ALDH7A1: variants seen among roughly 807,000 people sequenced by gnomAD.
ALDH7A1 encodes aldehyde dehydrogenase 7 family member A1.
In ALDH7A1, 63 loss-of-function variants were observed where a neutral mutation model predicts 79.9. The observed-to-expected ratio is 0.79, with a 90% CI of 0.64 to 0.97. The LOEUF (loss-of-function observed/expected upper bound fraction) is 0.97. Ranked by LOEUF, ALDH7A1 falls within the 50% of genes least tolerant of loss-of-function variation. The probability of loss-of-function intolerance (pLI) is 0.00; values close to 1 mark genes in which losing one functional copy is unlikely to be tolerated. For synonymous variants in ALDH7A1, 240 were observed against 231.2 expected (o/e 1.04, Z -0.34); for missense variants, 627 against 665.2 (o/e 0.94, Z 0.63).
Position 126,566,200 on chromosome 5 carries a change from C to CA in ALDH7A1, c.871+2058dup, listed in dbSNP as rs527563803. On this transcript the variant is annotated intron_variant, in intron 9 of 17. Coordinates refer to ENST00000409134, the MANE Select transcript of ALDH7A1 (RefSeq NM_001182.5). ...GAAACCTTAACAATATTAAATCTTC[C>CA]AAAAAATGAAAAGGGGATATCTACT... Among the ~76,000 whole-genome samples the CA allele has an allele frequency of 4.3e-4, 66 of 152,108 alleles. No homozygotes were observed. The East Asian group carries it at 0.011, about 26-fold the overall frequency.
chr5:126,543,383 C>T lies in ALDH7A1; in HGVS notation c.*1582G>A, dbSNP rs543869348. The T allele has an allele frequency of 3.3e-5, 5 of 152,252 alleles. No homozygotes were observed. The East Asian group carries it at 7.7e-4, about 23-fold the overall frequency. 9.4% of individuals were successfully genotyped at this position (152,252 alleles called of 1,614,324 possible). A position where few individuals can be genotyped will look rare whatever the true frequency, so the allele number is the denominator to read the frequency against. On this transcript the variant is annotated 3_prime_UTR_variant, in exon 18 of 18. Coordinates refer to ENST00000409134, the MANE Select transcript of ALDH7A1 (RefSeq NM_001182.5). ...TAGCTAAGATTATCACTCCCACATACCCTCACCCATGATTTCTTCCTGCCA... is the reference window on the plus strand; with the variant it reads ...TAGCTAAGATTATCACTCCCACATATCCTCACCCATGATTTCTTCCTGCCA...
intron 11 of ALDH7A1, among the ~76,000 whole-genome samples, chr5:126,557,360 G>A (rs1244608172): frequency 3.3e-5 from 5 of 152,206 alleles, no homozygotes; most frequent in Non-Finnish European, 7.3e-5. Context: ...GCCAAGGCAG[G>A]CAGATCACCT....
intron 16 of ALDH7A1, among the ~76,000 whole-genome samples, chr5:126,547,727 T>C (rs935611666): frequency 6.6e-6 from 1 of 152,174 alleles, no homozygotes; most frequent in Non-Finnish European, 1.5e-5. Flanking sequence ...CTGACATCAA[T>C]TCAAAGGTAA....
intron 5 of ALDH7A1, chr5:126,580,002 T>G (rs1437088732): frequency 6.2e-6 from 1 of 162,378 alleles, no homozygotes. Flanking sequence ...TTTTAATTGT[T>G]AATTGTGAGG....
At chr5:126,550,409 CAA>C in intron 14 of ALDH7A1, 116 bp from the exon 15 acceptor site, 1 of 786,928 alleles carries the variant, frequency 1.3e-6, no homozygotes, top group Non-Finnish European at 2.1e-6. Context: ...AAAAGGAAAC[CAA>C]AGAGTCAAGT....
chr5:126,567,597 C>T (rs1365084403), intron 9 of ALDH7A1, among the ~76,000 whole-genome samples: 1 of 151,072 alleles, frequency 6.6e-6, no homozygotes, highest in South Asian at 2.1e-4. Flanking sequence ...CCTCAGCCTC[C>T]CCAGTAGCTG....
chr5:126,546,991 A>G (rs1749807209), intron 16 of ALDH7A1, among the ~76,000 whole-genome samples: 1 of 152,234 alleles, frequency 6.6e-6, no homozygotes, highest in Non-Finnish European at 1.5e-5. Flanking sequence ...CTAGCTCTCA[A>G]ATGCACAAGC....
intron 9 of ALDH7A1, among the ~76,000 whole-genome samples, chr5:126,563,559 G>A (rs953440753): frequency 5.3e-5 from 8 of 151,778 alleles, no homozygotes; most frequent in African/African-American, 1.7e-4. Context: ...GCGTGATCTC[G>A]GCTCACTGCA....
intron 9 of ALDH7A1, chr5:126,564,673 CTCTAG>C: frequency 1.6e-6 from 1 of 636,632 alleles, no homozygotes; most frequent in Non-Finnish European, 2.3e-6. Flanking sequence ...GCTACACCAA[CTCTAG>C]TCTCTGCTGC....
At chr5:126,554,628 T>A (rs948087032) in intron 12 of ALDH7A1, 3 of 537,870 alleles carry the variant, frequency 5.6e-6, no homozygotes, top group Non-Finnish European at 1.0e-5. Flanking sequence ...AAAGCAGCCA[T>A]AAATGACATG....
intron 11 of ALDH7A1, 69 bp downstream of exon 11, chr5:126,559,170 CT>C (rs2112768173): frequency 7.5e-7 from 1 of 1,341,668 alleles, no homozygotes; most frequent in East Asian, 2.3e-5. Context: ...TGACACCTCT[CT>C]AACAGCAGAA....
intron 9 of ALDH7A1, among the ~76,000 whole-genome samples, chr5:126,566,008 G>A (rs1275510800): frequency 1.3e-5 from 2 of 152,184 alleles, no homozygotes; most frequent in East Asian, 3.8e-4. Context: ...TTTTTTGACT[G>A]AGAAGTGAGA....
intron 17 of ALDH7A1, among the ~76,000 whole-genome samples, chr5:126,545,246 G>T (rs1561645967): frequency 1.3e-5 from 2 of 151,612 alleles, no homozygotes; most frequent in South Asian, 2.1e-4. Context: ...ACCATACATG[G>T]TTTTTTTTGT....
At chr5:126,574,840 A>C (rs1196016932) in intron 7 of ALDH7A1, among the ~76,000 whole-genome samples, 1 of 152,180 alleles carries the variant, frequency 6.6e-6, no homozygotes, top group Non-Finnish European at 1.5e-5. Context: ...CTAATCCTAC[A>C]TGGGAAGGCA....
At chr5:126,550,839 G>A (rs1430799044) in intron 14 of ALDH7A1, among the ~76,000 whole-genome samples, 1 of 152,166 alleles carries the variant, frequency 6.6e-6, no homozygotes, top group Non-Finnish European at 1.5e-5. Flanking sequence ...GCAACAAGAT[G>A]CAATTCTCAC....
At chr5:126,548,019 T>C (rs998414122) in intron 16 of ALDH7A1, among the ~76,000 whole-genome samples, 1 of 148,568 alleles carries the variant, frequency 6.7e-6, no homozygotes, top group African/African-American at 2.5e-5. Flanking sequence ...ACCACTGCAC[T>C]CCAGCATAGG....
rs748054987 is a variant in ALDH7A1 at position 126,570,745 on chromosome 5, T to A, written c.773+37A>T. 9.4e-6 allele frequency: 15 copies of A among 1,595,114 alleles called. No individual in the cohort carries two copies. The Admixed American group carries it at 1.0e-4, about 11-fold the overall frequency. On this transcript the variant is annotated intron_variant, in intron 8 of 17. Transcript: ENST00000409134. ...ATGATTCTAGTTGGTCAACCTGGGG[T>A]CCTTCAACAGAGGATGCTCTCAGCC... is the stretch of plus-strand genomic sequence containing the variant.
At chr5:126,562,676 T>C (rs531883844) in intron 9 of ALDH7A1, among the ~76,000 whole-genome samples, 35 of 151,904 alleles carry the variant, frequency 2.3e-4, no homozygotes, top group Non-Finnish European at 4.4e-4. Context: ...GGTGAAACCC[T>C]GTCTCTACTA....
chr5:126,593,554 C>T, intron 1 of ALDH7A1, 150 bp from the exon 2 acceptor site: 1 of 1,110,282 alleles, frequency 9.0e-7, no homozygotes, highest in Non-Finnish European at 1.3e-6. Flanking sequence ...TACATATAAA[C>T]CACTCTACAG....
Sources: gnomAD v4.1 joint callset for allele counts (sites outside exome capture counted in the v4.1 genomes callset) on GRCh38, gnomAD v4.1.1 for gene constraint, MANE v1.5 for transcripts, NCBI Gene and HGNC (gene_info 2026-07-23, HGNC 2026-07-21) for gene names.